Variants in TPX2 observed in about 807,000 individuals in gnomAD.
TPX2 encodes the protein TPX2 microtubule nucleation factor, also known as targeting protein for Xklp2.
In TPX2, 21 loss-of-function variants were observed where a neutral mutation model predicts 93.6. The observed-to-expected ratio is 0.22, with a 90% CI of 0.16 to 0.32. The LOEUF is 0.32. TPX2 is among the 10% of genes least tolerant of loss of function. The pLI is 1.00. For synonymous variants in TPX2, 281 were observed against 298.3 expected (o/e 0.94, Z 0.60); for missense variants, 776 against 871.1 (o/e 0.89, Z 1.37).
rs369632062 is a variant in TPX2, at chr20:31,775,668, G to A, written c.609-199G>A. On this transcript the variant is annotated intron_variant, in intron 7 of 17. Coordinates refer to ENST00000300403, the MANE Select transcript of TPX2 (RefSeq NM_012112.5). ...TGGGATTATAGACATGAGCCACCAT[G>A]CCTGGCCAAAGTGTGCATTTTTATT... Among the ~76,000 whole-genome samples the A allele has an allele frequency of 5.9e-5, 9 of 152,098 alleles. No homozygotes were observed. In the South Asian group the frequency reaches 8.3e-4, roughly 14 times the overall value.
intron 17 of TPX2, among the ~76,000 whole-genome samples, 180 bp downstream of exon 17, chr20:31,798,732 C>T (rs1293698731): frequency 2.0e-5 from 3 of 152,154 alleles, no homozygotes; most frequent in Admixed American, 6.5e-5. Context: ...ATGAAGCTAA[C>T]GATGTGTACA....
At chr20:31,772,395 T>G (rs2061969896) in intron 7 of TPX2, among the ~76,000 whole-genome samples, 1 of 152,162 alleles carries the variant, frequency 6.6e-6, no homozygotes, top group Non-Finnish European at 1.5e-5. Flanking sequence ...ACTCCTGGCC[T>G]CAAGCAGTCC....
At chr20:31,763,432 G>A (rs373516688) in intron 4 of TPX2, among the ~76,000 whole-genome samples, 2 of 152,024 alleles carry the variant, frequency 1.3e-5, no homozygotes, top group South Asian at 2.1e-4. Flanking sequence ...TACCTGCCTC[G>A]GCCTCTGAAA....
At chr20:31,761,446 C>T (rs531700292) in intron 4 of TPX2, among the ~76,000 whole-genome samples, 1 of 152,222 alleles carries the variant, frequency 6.6e-6, no homozygotes, top group South Asian at 2.1e-4. Context: ...GTGATCCGCC[C>T]ACCTCGGCCT....
intron 4 of TPX2, among the ~76,000 whole-genome samples, chr20:31,761,882 A>G (rs934780553): frequency 1.3e-5 from 2 of 152,136 alleles, no homozygotes; most frequent in Non-Finnish European, 2.9e-5. Flanking sequence ...ACAATATATA[A>G]GAGTTCTCCT....
Position 31,777,544 on chromosome 20 carries a change from G to T in TPX2, c.788G>T (p.Arg263Leu). The T allele has an allele frequency of 6.2e-7, 1 of 1,614,064 alleles. No homozygotes were observed. The highest frequency in any genetic ancestry group is 8.5e-7 in the Non-Finnish European group (1 of 1,179,996). Reference protein sequence around the residue: ...QVTKSVDFHFRTDERIKQHPK... With the variant: ...QVTKSVDFHFLTDERIKQHPK... ...ACCAAATCAGTTGACTTCCACTTCC[G>T]CACAGATGAGCGAATCAAACAACAT... Residue 263 changes from arginine to leucine, a missense_variant, in exon 9 of 18, where the codon CGC becomes CTC. This residue lies in a region of TPX2 where 279 missense variants were observed against 261.6 expected (regional missense o/e 1.07). Coordinates refer to ENST00000300403, the MANE Select transcript of TPX2 (RefSeq NM_012112.5).
Position 31,766,454 on chromosome 20 carries a change from GGTGTGTGTGTGTGTGTGTGTGTGT to G in TPX2, c.230-83_230-60del, listed in dbSNP as rs35700111. 69 of 720,618 alleles carry G rather than the reference GGTGTGTGTGTGTGTGTGTGTGTGT, an allele frequency of 9.6e-5. No individual in the cohort carries two copies. In the East Asian group the frequency reaches 1.9e-3, roughly 20 times the overall value. The allele number at this position is 720,618 out of a possible 1,614,324, so 44.6% of individuals were successfully genotyped here. A position where few individuals can be genotyped will look rare whatever the true frequency, so the allele number is the denominator to read the frequency against. ...ACTAAGGTTTCTGTGGCTTAGACAGGGTGTGTGTGTGTGTGTGTGTGTGTGTGTGTGTGTGTGTGTGTCTCATCT... is the reference window on the plus strand; with the variant it reads ...ACTAAGGTTTCTGTGGCTTAGACAGGGTGTGTGTGTGTGTGTGTCTCATCT... On this transcript the variant is annotated intron_variant, in intron 4 of 17. Coordinates refer to ENST00000300403, the MANE Select transcript of TPX2 (RefSeq NM_012112.5).
Position 31,771,651 on chromosome 20 carries a change from A to G in TPX2, c.577A>G (p.Arg193Gly), listed in dbSNP as rs766225836. 1 of 1,613,500 alleles carries G rather than the reference A, an allele frequency of 6.2e-7. No individual in the cohort carries two copies. The change falls in exon 7 of 18, where the codon AGA (arginine) becomes GGA (glycine). Residue 193 changes from arginine to glycine, a missense_variant. Physicochemically the swap from Arg to Gly is moderately radical, Grantham distance 125 (BLOSUM62 -2). Transcript: ENST00000300403. ...ATCTTCCCCAGAGAAAGCCAAGGGT[A>G]GACATACTGTGCCTTGTATGCCACC... ...NASSPEKAKG[R>G]HTVPCMPPAK...
chr20:31,769,273 C>T (rs969118221), intron 5 of TPX2, among the ~76,000 whole-genome samples: 4 of 147,360 alleles, frequency 2.7e-5, no homozygotes, highest in African/African-American at 5.0e-5. Flanking sequence ...TTACGTAATA[C>T]GTGCTTATTT....
In TPX2 at chr20:31,798,630, A is replaced by T. The variant is rs1313450925; in HGVS notation, c.2133+78A>T. 9.6e-6 allele frequency: 14 copies of T among 1,452,848 alleles called. No individual in the cohort carries two copies. The East Asian group carries it at 3.5e-4, about 36-fold the overall frequency. The allele number at this position is 1,452,848 out of a possible 1,614,324, so 90.0% of individuals were successfully genotyped here. ...ACCTGTACCTTACCTTGTACCAGACAGGATCTAAGGTAGCCCGCAAGGCTG... is the reference window on the plus strand; with the variant it reads ...ACCTGTACCTTACCTTGTACCAGACTGGATCTAAGGTAGCCCGCAAGGCTG... On this transcript the variant is annotated intron_variant, in intron 17 of 17. Transcript: ENST00000300403.
At chr20:31,774,048 G>GT (rs1314923634) in intron 7 of TPX2, among the ~76,000 whole-genome samples, 1 of 151,534 alleles carries the variant, frequency 6.6e-6, no homozygotes, top group Non-Finnish European at 1.5e-5. Context: ...ATTTTTGTAT[G>GT]TTTAGTAGAG....
chr20:31,747,995 A>T (rs2061794693), intron 2 of TPX2, among the ~76,000 whole-genome samples: 1 of 152,022 alleles, frequency 6.6e-6, no homozygotes, highest in Admixed American at 6.6e-5. Flanking sequence ...CGTGAAACCG[A>T]AATTACCCAG....
intron 17 of TPX2, 60 bp from the exon 18 acceptor site, chr20:31,800,910 G>A: frequency 1.5e-6 from 2 of 1,324,500 alleles, no homozygotes; most frequent in Non-Finnish European, 2.2e-6. Context: ...AAAAATAAAA[G>A]CAATTATAAG....
chr20:31,791,419 G>A (rs1199621670), intron 12 of TPX2, among the ~76,000 whole-genome samples: 1 of 152,162 alleles, frequency 6.6e-6, no homozygotes, highest in African/African-American at 2.4e-5. Flanking sequence ...GAGTAGCTGG[G>A]ACTACAGGCA....
chr20:31,781,602 AT>A (rs2062034287), intron 10 of TPX2, among the ~76,000 whole-genome samples: 2 of 151,752 alleles, frequency 1.3e-5, no homozygotes, highest in African/African-American at 2.4e-5. Context: ...ATAAGCAAAA[AT>A]TTTTTGTGTT....
At chr20:31,766,483 G>GTC (rs2061926638) in intron 4 of TPX2, 73 bp from the exon 5 acceptor site, 1 of 1,369,408 alleles carries the variant, frequency 7.3e-7, no homozygotes, top group African/African-American at 1.5e-5. Flanking sequence ...GTGTGTGTGT[G>GTC]TGTGTGTGTG....
intron 10 of TPX2, chr20:31,781,010 C>A: frequency 2.7e-6 from 1 of 369,028 alleles, no homozygotes; most frequent in Non-Finnish European, 5.3e-6. Flanking sequence ...GTGTCCAACT[C>A]CTGGGCTCAA....
chr20:31,800,028 C>T lies in TPX2; in HGVS notation c.2134-942C>T, dbSNP rs370417783. 1.7e-3 allele frequency among the ~76,000 whole-genome samples: 258 copies of T among 151,978 alleles called. 3 individuals are homozygous for T. The highest frequency in any genetic ancestry group is 6.1e-3 in the African/African-American group (251 of 41,446). ...TTGGGAGGCCAAGGTGGGAGGATTGCGTGAGCCCAGGAGTTCAAGAAAAGC... is the reference window on the plus strand; with the variant it reads ...TTGGGAGGCCAAGGTGGGAGGATTGTGTGAGCCCAGGAGTTCAAGAAAAGC... On this transcript the variant is annotated intron_variant, in intron 17 of 17. Transcript: ENST00000300403.
rs2062151652 is a variant in TPX2 at position 31,798,492 on chromosome 20, G to A, written c.2073G>A (p.Glu691=). 1 of 1,613,480 alleles carries A rather than the reference G, an allele frequency of 6.2e-7. No individual in the cohort carries two copies. The change falls in exon 17 of 18, where the codon GAG becomes GAA. Residue 691 remains glutamate, a synonymous_variant. Coordinates refer to ENST00000300403, the MANE Select transcript of TPX2 (RefSeq NM_012112.5). ...CCCAGAAAGCCCAGCAGTTGGAGGA[G>A]GCCAGACTACAGGAGGAAGAGCAGA... ...VEAQKAQQLE[E]ARLQEEEQKK... is the part of the protein sequence containing the mutation.
Sources: gnomAD v4.1 joint callset for allele counts (sites outside exome capture counted in the v4.1 genomes callset) on GRCh38, gnomAD v4.1.1 for gene constraint, gnomAD v4.1.1 regional missense constraint, MANE v1.5 for transcripts, NCBI Gene and HGNC (gene_info 2026-07-23, HGNC 2026-07-21) for gene names.